The following ATG101 variants were observed in gnomAD, a reference collection of about 807,000 sequenced individuals.
ATG101 encodes autophagy-related protein 101.
In ATG101, 6 loss-of-function variants were observed where a neutral mutation model predicts 16.7. The ratio of observed to expected loss-of-function variants is 0.36; its 90% CI spans 0.20 to 0.71. ATG101 has a LOEUF of 0.71. Among genes scored for constraint, ATG101 ranks in the 30% least tolerant of loss-of-function variants. The pLI is 0.57. For synonymous variants in ATG101, 108 were observed against 118.1 expected, an observed-to-expected ratio of 0.91 and a Z score of 0.56; for missense variants, 200 against 292.5, an observed-to-expected ratio of 0.68 and a Z score of 2.31.
chr12:52,077,201 A>G lies in ATG101; in HGVS notation c.*11A>G. ...ACCCTTGCCCTCTGAGCGTCGCTGG[A>G]TCTCTGGGAGCTCCTTGATGGCTCC... is the stretch of plus-strand genomic sequence containing the variant. On this transcript the variant is annotated 3_prime_UTR_variant, in exon 4 of 4. Coordinates refer to ENST00000336854, the MANE Select transcript of ATG101 (RefSeq NM_021934.5). The G allele has an allele frequency of 6.2e-7, 1 of 1,608,386 alleles. No homozygotes were observed.
chr12:52,067,668 A>G (rs1173863053), upstream of ATG101, among the ~76,000 whole-genome samples: 1 of 151,194 alleles, frequency 6.6e-6, no homozygotes, highest in African/African-American at 2.4e-5. Flanking sequence ...GCTCACTGCA[A>G]CCTCTGCCTC....
In ATG101 at chr12:52,077,384, C is replaced by T. The variant is rs558671425; in HGVS notation, c.*194C>T. 1.7e-5 allele frequency: 11 copies of T among 647,510 alleles called. No individual in the cohort carries two copies. The East Asian group carries it at 3.0e-4, about 18-fold the overall frequency. The allele number at this position is 647,510 out of a possible 1,614,324, so 40.1% of individuals were successfully genotyped here. On this transcript the variant is annotated 3_prime_UTR_variant, in exon 4 of 4. Coordinates refer to ENST00000336854, the MANE Select transcript of ATG101 (RefSeq NM_021934.5). ...TTTTAATCTTTGCTGACGGTTCAGT[C>T]CTGCCTCTACTGTCTCTCCATAGCC...
At chr12:52,076,121 G>A (rs967320591) in intron 3 of ATG101, among the ~76,000 whole-genome samples, 1 of 152,182 alleles carries the variant, frequency 6.6e-6, no homozygotes, top group African/African-American at 2.4e-5. Flanking sequence ...TTGCTCCACT[G>A]CCCTCCAGCC....
upstream of ATG101, among the ~76,000 whole-genome samples, chr12:52,069,067 G>A (rs367928915): frequency 2.8e-5 from 4 of 144,600 alleles, no homozygotes; most frequent in East Asian, 6.4e-4. Flanking sequence ...AGCTCTCGAA[G>A]CCCTGTCTGC....
chr12:52,074,310 A>G (rs2120623002), intron 3 of ATG101, among the ~76,000 whole-genome samples: 1 of 152,276 alleles, frequency 6.6e-6, no homozygotes, highest in African/African-American at 2.4e-5. Flanking sequence ...GCTGCCATCC[A>G]AGATGGGAGT....
chr12:52,068,769 G>T (rs530586469), upstream of ATG101, among the ~76,000 whole-genome samples: 1 of 151,808 alleles, frequency 6.6e-6, no homozygotes, highest in Admixed American at 6.6e-5. Flanking sequence ...GGCAGATCAC[G>T]AGGTCAGGAT....
At chr12:52,075,350 C>G (rs1236614069) in intron 3 of ATG101, among the ~76,000 whole-genome samples, 1 of 152,206 alleles carries the variant, frequency 6.6e-6, no homozygotes, top group African/African-American at 2.4e-5. Flanking sequence ...GAGCTGGGGT[C>G]TGCCACCCAG....
At chr12:52,069,095 C>CA (rs1208385000), upstream of ATG101, among the ~76,000 whole-genome samples, 1 of 147,884 alleles carries the variant, frequency 6.8e-6, no homozygotes, top group Admixed American at 6.9e-5. Flanking sequence ...TTACAATCTA[C>CA]ATGGAGAACC....
Position 52,073,845 on chromosome 12 carries a change from G to A in ATG101, c.195G>A (p.Val65=). 1 of 1,614,240 alleles carries A rather than the reference G, an allele frequency of 6.2e-7. No homozygotes were observed. The highest frequency in any genetic ancestry group is 8.5e-7 in the Non-Finnish European group (1 of 1,180,050). ...VDCDFIDFTY[V]RVSSEELDRA... ...GTGACTTCATCGACTTCACTTATGT[G>A]CGTGTCTCTTCTGAGGAACTGGATC... is the stretch of plus-strand genomic sequence containing the variant. The change falls in exon 3 of 4, where the codon GTG becomes GTA. Residue 65 remains valine (V), a synonymous_variant. Transcript: ENST00000336854.
chr12:52,071,662 C>CA (rs1433655429), intron 2 of ATG101, among the ~76,000 whole-genome samples: 1 of 152,010 alleles, frequency 6.6e-6, no homozygotes, highest in East Asian at 1.9e-4. Context: ...ACCAAAAATA[C>CA]AAAAAATTAG....
At chr12:52,066,064 A>G (rs1350834280), upstream of ATG101, among the ~76,000 whole-genome samples, 1 of 152,044 alleles carries the variant, frequency 6.6e-6, no homozygotes, top group East Asian at 1.9e-4. Flanking sequence ...TTTAGTAGAG[A>G]TGGGGTTTCT....
upstream of ATG101, among the ~76,000 whole-genome samples, chr12:52,065,344 G>C (rs1215451760): frequency 2.0e-5 from 3 of 152,344 alleles, no homozygotes; most frequent in South Asian, 4.1e-4. Flanking sequence ...CAGAGGGCTA[G>C]AACTGTGACT....
At chr12:52,066,872 A>G (rs1246862343), upstream of ATG101, among the ~76,000 whole-genome samples, 4 of 151,950 alleles carry the variant, frequency 2.6e-5, no homozygotes, top group African/African-American at 4.8e-5. Flanking sequence ...GGGCTCTGGC[A>G]CCTCCTCCAC....
upstream of ATG101, among the ~76,000 whole-genome samples, chr12:52,067,204 G>C (rs1023232771): frequency 2.6e-5 from 4 of 152,222 alleles, no homozygotes; most frequent in Non-Finnish European, 5.9e-5. Context: ...AGGGTGAGGT[G>C]GTGACAGTGG....
rs780785137 is a variant in ATG101 at position 52,076,835 on chromosome 12, A to T, written c.302A>T (p.Glu101Val). 1 of 1,614,180 alleles carries T rather than the reference A, an allele frequency of 6.2e-7. No individual in the cohort carries two copies. ...GGDGLGQMSL[E>V]FYQKKKSRWP... ...GATGGGCTGGGGCAGATGTCCTTGG[A>T]GTTCTACCAGAAGAAGAAGTCTCGC... is the stretch of plus-strand genomic sequence containing the variant. The change falls in exon 4 of 4, where the codon GAG (glutamate) becomes GTG (valine). Residue 101 changes from glutamate to valine, a missense_variant. Physicochemically the swap from Glu to Val is moderately radical, Grantham distance 121. Coordinates refer to ENST00000336854, the MANE Select transcript of ATG101 (RefSeq NM_021934.5).
chr12:52,076,600 A>G (rs1042871678), intron 3 of ATG101, among the ~76,000 whole-genome samples, 186 bp from the exon 4 acceptor site: 10 of 152,246 alleles, frequency 6.6e-5, no homozygotes, highest in Admixed American at 2.6e-4. Context: ...GAACTACACA[A>G]TTTCAGGCTG....
In ATG101 at chr12:52,077,248, T is replaced by G; in HGVS notation, c.*58T>G. 2.6e-6 allele frequency: 4 copies of G among 1,566,776 alleles called. No homozygotes were observed. The highest frequency in any genetic ancestry group is 2.6e-6 in the Non-Finnish European group (3 of 1,152,260). Reference sequence around the variant, plus strand: ...CTCCCAGACCTTGGCTTTTGGGAATTGCACTTTTGGGCCTTTGGGCTCTGG... The same window carrying G: ...CTCCCAGACCTTGGCTTTTGGGAATGGCACTTTTGGGCCTTTGGGCTCTGG... On this transcript the variant is annotated 3_prime_UTR_variant, in exon 4 of 4. Coordinates refer to ENST00000336854, the MANE Select transcript of ATG101 (RefSeq NM_021934.5).
chr12:52,068,821 C>T (rs914808928), upstream of ATG101, among the ~76,000 whole-genome samples: 3 of 151,202 alleles, frequency 2.0e-5, no homozygotes, highest in Non-Finnish European at 2.9e-5. Context: ...CCCGTCTCTA[C>T]TAAAAAAAAT....
At position 52,076,955 on chromosome 12, in the gene ATG101, G is replaced by T; in HGVS notation, c.422G>T (p.Arg141Leu). 6.2e-7 allele frequency: 1 copy of T among 1,614,198 alleles called. No individual in the cohort carries two copies. Residue 141 changes from arginine to leucine, a missense_variant, in exon 4 of 4, where the codon CGG becomes CTG. Arg to Leu is a moderately radical substitution (Grantham distance 102, BLOSUM62 -2). Coordinates refer to ENST00000336854, the MANE Select transcript of ATG101 (RefSeq NM_021934.5). ...ACGGAGCAGGAGCGGCAGATCTGCC[G>T]GGAGAAGGTGGGTGAGAAACTCTGC... ...LATEQERQIC[R>L]EKVGEKLCEK...
Sources: gnomAD v4.1 joint callset for allele counts (sites outside exome capture counted in the v4.1 genomes callset) on GRCh38, gnomAD v4.1.1 for gene constraint, MANE v1.5 for transcripts, NCBI Gene and HGNC (gene_info 2026-07-23, HGNC 2026-07-21) for gene names.